The following MYRIP variants were observed in gnomAD, a reference collection of about 807,000 sequenced individuals.
The protein encoded by MYRIP is rab effector MyRIP.
A neutral mutation model predicts 98.0 loss-of-function variants in MYRIP; 49 were observed. That is an observed-to-expected ratio of 0.50 (90% CI 0.40 to 0.63). MYRIP has a LOEUF of 0.63. Among genes scored for constraint, MYRIP ranks in the 30% least tolerant of loss-of-function variants. The pLI, the probability that MYRIP is intolerant of heterozygous loss-of-function variation, is 0.00. For synonymous variants in MYRIP, 404 were observed against 409.5 expected (o/e 0.99, Z 0.16); for missense variants, 1,004 against 1,058.2 (o/e 0.95, Z 0.71).
chr3:40,002,964 C>A (rs1946552269), intron 2 of MYRIP, among the ~76,000 whole-genome samples: 1 of 151,406 alleles, frequency 6.6e-6, no homozygotes, highest in Non-Finnish European at 1.5e-5. Context: ...GTATCTAAAG[C>A]TATATCTATA....
At chr3:40,134,018 G>T (rs1029706134) in intron 3 of MYRIP, among the ~76,000 whole-genome samples, 1 of 152,228 alleles carries the variant, frequency 6.6e-6, no homozygotes, top group Non-Finnish European at 1.5e-5. Flanking sequence ...TCACTGGGGA[G>T]TGCCGGACAG....
chr3:40,066,192 T>C (rs1302811980), intron 3 of MYRIP, among the ~76,000 whole-genome samples: 1 of 152,074 alleles, frequency 6.6e-6, no homozygotes, highest in Non-Finnish European at 1.5e-5. Flanking sequence ...AGGAAGTCCT[T>C]TGCTGTGCAC....
At chr3:39,880,138 T>C (rs1943122977) in intron 1 of MYRIP, among the ~76,000 whole-genome samples, 1 of 152,216 alleles carries the variant, frequency 6.6e-6, no homozygotes, top group Non-Finnish European at 1.5e-5. Flanking sequence ...ACATGTGCCA[T>C]GCTGCTGTGC....
At chr3:39,978,767 C>T (rs1945813931) in intron 2 of MYRIP, among the ~76,000 whole-genome samples, 4 of 151,400 alleles carry the variant, frequency 2.6e-5, no homozygotes. Flanking sequence ...TTGTTAAAGA[C>T]ATTTGTTTGC....
intron 11 of MYRIP, among the ~76,000 whole-genome samples, chr3:40,218,631 T>TAC (rs1279442319): frequency 7.2e-5 from 1 of 13,898 alleles, no homozygotes; most frequent in Admixed American, 1.6e-3. Context: ...TATATATATA[T>TAC]ATATATATAT....
chr3:40,189,874 A>G lies in MYRIP; in HGVS notation c.1076A>G (p.Lys359Arg). Residue 359 changes from lysine (K) to arginine (R), a missense_variant, in exon 10 of 17, where the codon AAG becomes AGG. Physicochemically the swap from Lys to Arg is conservative, Grantham distance 26. Transcript: ENST00000302541. Reference protein sequence around the residue: ...QSPDGNWVALKDGAPPPTRLL... With the variant: ...QSPDGNWVALRDGAPPPTRLL... ...CCCGACGGGAACTGGGTGGCCCTGA[A>G]GGATGGCGCTCCACCCCCCACCCGA... 6.2e-7 allele frequency: 1 copy of G among 1,614,130 alleles called. No individual in the cohort carries two copies. The highest frequency in any genetic ancestry group is 8.5e-7 in the Non-Finnish European group (1 of 1,180,020).
intron 9 of MYRIP, among the ~76,000 whole-genome samples, chr3:40,187,919 A>G (rs768731577): frequency 1.3e-5 from 2 of 152,182 alleles, no homozygotes; most frequent in East Asian, 3.9e-4. Context: ...GGGCTTTACT[A>G]CATGGAAGTG....
chr3:39,821,257 A>C (rs937072596), intron 1 of MYRIP, among the ~76,000 whole-genome samples: 1 of 152,124 alleles, frequency 6.6e-6, no homozygotes, highest in Non-Finnish European at 1.5e-5. Flanking sequence ...TCCCTTGTAC[A>C]TAGTGGGATA....
intron 2 of MYRIP, among the ~76,000 whole-genome samples, chr3:40,000,969 A>G (rs1052314585): frequency 2.0e-5 from 3 of 152,214 alleles, no homozygotes; most frequent in Non-Finnish European, 4.4e-5. Flanking sequence ...GATAACTCTC[A>G]TGAATTCTTT....
intron 11 of MYRIP, among the ~76,000 whole-genome samples, chr3:40,217,041 G>C (rs1489599647): frequency 6.6e-6 from 1 of 152,100 alleles, no homozygotes; most frequent in Non-Finnish European, 1.5e-5. Flanking sequence ...TGTTAAAGAA[G>C]TAAATGAGCA....
intron 3 of MYRIP, among the ~76,000 whole-genome samples, chr3:40,084,985 A>G (rs1446649274): frequency 2.7e-5 from 4 of 150,140 alleles, no homozygotes; most frequent in Non-Finnish European, 5.9e-5. Flanking sequence ...TTACATATCG[A>G]TAATATATAT....
At chr3:39,825,382 T>C (rs748576663) in intron 1 of MYRIP, among the ~76,000 whole-genome samples, 8 of 152,188 alleles carry the variant, frequency 5.3e-5, no homozygotes, top group Non-Finnish European at 1.0e-4. Context: ...ACCTAATTTA[T>C]TGAGAGTTTT....
At chr3:40,190,510 G>A in intron 10 of MYRIP, 47 bp downstream of exon 10, 3 of 1,532,156 alleles carry the variant, frequency 2.0e-6, no homozygotes, top group East Asian at 2.3e-5. Flanking sequence ...CTTTAGGTAG[G>A]ATGTGCCCTA....
chr3:40,155,503 A>G (rs553165266), intron 4 of MYRIP, among the ~76,000 whole-genome samples: 3 of 152,274 alleles, frequency 2.0e-5, no homozygotes, highest in African/African-American at 7.2e-5. Flanking sequence ...TTGGGTATAT[A>G]CCCAGTAATG....
chr3:40,092,943 T>C (rs1948756365), intron 3 of MYRIP, among the ~76,000 whole-genome samples: 2 of 152,154 alleles, frequency 1.3e-5, no homozygotes, highest in Non-Finnish European at 2.9e-5. Flanking sequence ...AGTCCTTTGG[T>C]ACATCACAGA....
At chr3:39,879,365 G>C (rs932843704) in intron 1 of MYRIP, among the ~76,000 whole-genome samples, 5 of 148,586 alleles carry the variant, frequency 3.4e-5, no homozygotes, top group Non-Finnish European at 6.0e-5. Context: ...CTTTTTCTTT[G>C]ACCTTGGGTG....
At chr3:40,041,016 C>A (rs1232132322) in intron 2 of MYRIP, among the ~76,000 whole-genome samples, 9 of 80,436 alleles carry the variant, frequency 1.1e-4, no homozygotes, top group East Asian at 5.5e-4. Context: ...GAAAATATTA[C>A]CAGCAGAAAA....
At chr3:40,190,614 A>G in intron 10 of MYRIP, 151 bp downstream of exon 10, 2 of 1,305,080 alleles carry the variant, frequency 1.5e-6, no homozygotes, top group Non-Finnish European at 2.1e-6. Flanking sequence ...GTGCCTCTAG[A>G]CAGGTCACAT....
chr3:39,921,660 C>A (rs1180028315), intron 2 of MYRIP, among the ~76,000 whole-genome samples: 1 of 152,104 alleles, frequency 6.6e-6, no homozygotes, highest in Non-Finnish European at 1.5e-5. Context: ...GTGGGTGGAT[C>A]ACTTGAGGTC....
Sources: gnomAD v4.1 joint callset for allele counts (sites outside exome capture counted in the v4.1 genomes callset) on GRCh38, gnomAD v4.1.1 for gene constraint, MANE v1.5 for transcripts, NCBI Gene and HGNC (gene_info 2026-07-23, HGNC 2026-07-21) for gene names.